Variants in GID4 observed in about 807,000 individuals in gnomAD.
GID4 encodes GID complex subunit 4 homolog.
In GID4, 7 loss-of-function variants were observed where a neutral mutation model predicts 32.4. The ratio of observed to expected loss-of-function variants is 0.22; its 90% confidence interval spans 0.12 to 0.41. GID4 has a LOEUF of 0.41. Among genes scored for constraint, GID4 ranks in the 10% least tolerant of loss-of-function variants. The probability of loss-of-function intolerance (pLI) is 1.00; values close to 1 mark genes in which losing one functional copy is unlikely to be tolerated. For synonymous variants in GID4, 166 were observed against 170.0 expected (o/e 0.98, Z 0.18); for missense variants, 309 against 400.0 (o/e 0.77, Z 1.94).
rs373806807 is a variant in GID4, at chr17:18,065,134, G to A, written c.840-46G>A. 189 of 1,412,946 alleles carry A rather than the reference G, an allele frequency of 1.3e-4. 1 individual carries two copies. The highest frequency in any genetic ancestry group is 1.4e-4 in the Non-Finnish European group (135 of 996,622). 87.5% of individuals were successfully genotyped at this position (1,412,946 alleles called of 1,614,324 possible). ...GGGTTACTAATGTCCTTTGCTCAGG[G>A]TGCATTAGATGACTACCTCCCGTTT... On this transcript the variant is annotated intron_variant, in intron 5 of 5. Coordinates refer to ENST00000268719, the MANE Select transcript of GID4 (RefSeq NM_024052.5).
At chr17:18,043,982 G>A (rs1349935444) in intron 1 of GID4, among the ~76,000 whole-genome samples, 2 of 152,158 alleles carry the variant, frequency 1.3e-5, no homozygotes, top group Non-Finnish European at 2.9e-5. Context: ...TTGAGGTGAC[G>A]TGGCTTCAGG....
intron 3 of GID4, among the ~76,000 whole-genome samples, chr17:18,058,176 C>T (rs766671381): frequency 3.3e-5 from 5 of 152,156 alleles, no homozygotes; most frequent in Non-Finnish European, 7.3e-5. Context: ...CTGAACGATA[C>T]AGTATAACCA....
At chr17:18,043,084 C>T (rs1365817119) in intron 1 of GID4, among the ~76,000 whole-genome samples, 1 of 152,124 alleles carries the variant, frequency 6.6e-6, no homozygotes, top group Non-Finnish European at 1.5e-5. Context: ...GAGCCCTGGT[C>T]GCTGTGAAAG....
chr17:18,061,517 TAGAG>T lies in GID4; in HGVS notation c.709-325_709-322del, dbSNP rs2045017591. Among the ~76,000 whole-genome samples, 4 of 152,260 alleles carry T rather than the reference TAGAG, an allele frequency of 2.6e-5. No homozygotes were observed. The highest frequency in any genetic ancestry group is 3.9e-4 in the East Asian group (2 of 5,176). ...TTGATTGTCTGTGGTCTCTGAAAGA[TAGAG>T]AGGCAGGCAGACAGGCAGGTGAGTA... On this transcript the variant is annotated intron_variant, in intron 4 of 5. Transcript: ENST00000268719. The surrounding 1 kb of genome is among the most constrained non-coding windows in gnomAD (Gnocchi z 4.4).
intron 5 of GID4, among the ~76,000 whole-genome samples, chr17:18,064,704 G>A (rs569492967): frequency 1.5e-4 from 23 of 152,252 alleles, no homozygotes; most frequent in African/African-American, 5.3e-4. Flanking sequence ...TAAATGAAAG[G>A]TAAAATACAG....
intron 5 of GID4, among the ~76,000 whole-genome samples, chr17:18,062,386 T>C (rs2045024472): frequency 6.6e-6 from 1 of 152,212 alleles, no homozygotes; most frequent in Non-Finnish European, 1.5e-5. Flanking sequence ...TTAGAGTTGG[T>C]CCGACATGCA....
chr17:18,064,752 T>C (rs1220499520), intron 5 of GID4, among the ~76,000 whole-genome samples: 1 of 152,212 alleles, frequency 6.6e-6, no homozygotes, highest in Non-Finnish European at 1.5e-5. Flanking sequence ...CTACGCTCTC[T>C]TTAGATACCA....
At chr17:18,044,147 A>G (rs901584398) in intron 1 of GID4, among the ~76,000 whole-genome samples, 1 of 152,186 alleles carries the variant, frequency 6.6e-6, no homozygotes, top group African/African-American at 2.4e-5. Flanking sequence ...GGGACAAAAA[A>G]GCCATTTCTT....
chr17:18,051,831 T>A (rs2044912665), intron 2 of GID4, among the ~76,000 whole-genome samples: 1 of 152,096 alleles, frequency 6.6e-6, no homozygotes. Context: ...TCCCAGCACT[T>A]TGGGAGGCCG....
Position 18,054,021 on chromosome 17 carries a change from T to C in GID4, c.499-106T>C, listed in dbSNP as rs2044940236. ...TCTGGTTTGGATTGTCAGGTAGCAG[T>C]GTCTAGGTACTGGAAAGAAGTTAAA... On this transcript the variant is annotated intron_variant, in intron 2 of 5. Coordinates refer to ENST00000268719, the MANE Select transcript of GID4 (RefSeq NM_024052.5). 20 of 571,222 alleles carry C rather than the reference T, an allele frequency of 3.5e-5. No individual in the cohort carries two copies. In the South Asian group the frequency reaches 5.2e-4, roughly 15 times the overall value. The allele number at this position is 571,222 out of a possible 1,614,324, so 35.4% of individuals were successfully genotyped here.
chr17:18,054,628 G>A (rs1238873926), intron 3 of GID4, among the ~76,000 whole-genome samples: 1 of 152,168 alleles, frequency 6.6e-6, no homozygotes, highest in Admixed American at 6.5e-5. Context: ...GGGCTGGCAT[G>A]AGATGGAGAT....
chr17:18,062,515 C>T (rs1189884190), intron 5 of GID4, among the ~76,000 whole-genome samples: 8 of 152,200 alleles, frequency 5.3e-5, no homozygotes, highest in Non-Finnish European at 1.0e-4. Flanking sequence ...TTGAGGGATT[C>T]TCCTGCCTCC....
In GID4 at chr17:18,068,330, G is replaced by A. The variant is rs1338617397; in HGVS notation, c.*3087G>A. 3.3e-5 allele frequency: 5 copies of A among 152,314 alleles called. No individual in the cohort carries two copies. Among genetic ancestry groups the A allele is most frequent in the African/African-American group, 1.2e-4 (5 of 41,316 alleles). The allele number at this position is 152,314 out of a possible 1,614,324, so 9.4% of individuals were successfully genotyped here. On this transcript the variant is annotated 3_prime_UTR_variant, in exon 6 of 6. Coordinates refer to ENST00000268719, the MANE Select transcript of GID4 (RefSeq NM_024052.5). ...CATGTGGAAGGAGTTTGAGGGTTTG[G>A]GATGGGAGAAGTATTTTGCAGAGCT... is the stretch of plus-strand genomic sequence containing the variant.
rs754463628 is a variant in GID4 at position 18,054,109 on chromosome 17, T to C, written c.499-18T>C. 6.7e-6 allele frequency: 9 copies of C among 1,336,230 alleles called. No individual in the cohort carries two copies. In the South Asian group the frequency reaches 7.4e-5, roughly 11 times the overall value. 82.8% of individuals were successfully genotyped at this position (1,336,230 alleles called of 1,614,324 possible). ...TCTCACTCAACATCTTATTTTGATA[T>C]TTGGGTTTTTACCATAGGAGTATCC... is the stretch of plus-strand genomic sequence containing the variant. On this transcript the variant is annotated intron_variant, in intron 2 of 5. Coordinates refer to ENST00000268719, the MANE Select transcript of GID4 (RefSeq NM_024052.5).
rs2045072875 is a variant in GID4, at chr17:18,067,258, G to T, written c.*2015G>T. ...TCTGCATTTTTCCAGGCCTGTGAGG[G>T]ATATAGGCCTCCCCTTGGAGCACTG... On this transcript the variant is annotated 3_prime_UTR_variant, in exon 6 of 6. Coordinates refer to ENST00000268719, the MANE Select transcript of GID4 (RefSeq NM_024052.5). The T allele has an allele frequency of 6.6e-6, 1 of 152,274 alleles. No homozygotes were observed. The highest frequency in any genetic ancestry group is 6.5e-5 in the Admixed American group (1 of 15,276). 9.4% of individuals were successfully genotyped at this position (152,274 alleles called of 1,614,324 possible).
rs150977174 is a variant in GID4 at position 18,066,504 on chromosome 17, A to T, written c.*1261A>T. ...TGTGTGTATGATGTTTTGTTTTTTT[A>T]AATGTTTTAAAAGCTTAATAGGTTG... On this transcript the variant is annotated 3_prime_UTR_variant, in exon 6 of 6. Coordinates refer to ENST00000268719, the MANE Select transcript of GID4 (RefSeq NM_024052.5). 1 of 151,430 alleles carries T rather than the reference A, an allele frequency of 6.6e-6. No individual in the cohort carries two copies. Among genetic ancestry groups the T allele is most frequent in the Non-Finnish European group, 1.5e-5 (1 of 67,862 alleles). 9.4% of individuals were successfully genotyped at this position (151,430 alleles called of 1,614,324 possible). A position where few individuals can be genotyped will look rare whatever the true frequency, so the allele number is the denominator to read the frequency against.
intron 3 of GID4, among the ~76,000 whole-genome samples, chr17:18,055,982 G>A (rs1054417475): frequency 2.0e-5 from 3 of 152,130 alleles, no homozygotes; most frequent in Non-Finnish European, 4.4e-5. Flanking sequence ...AGCCTCTCAA[G>A]TAGCTGGGAT....
Position 18,066,238 on chromosome 17 carries a change from TA to T in GID4, c.*998del, listed in dbSNP as rs754266478. The T allele has an allele frequency of 4.6e-5, 7 of 152,630 alleles. No homozygotes were observed. The highest frequency in any genetic ancestry group is 8.8e-5 in the Non-Finnish European group (6 of 68,040). The allele number at this position is 152,630 out of a possible 1,614,324, so 9.5% of individuals were successfully genotyped here. A position where few individuals can be genotyped will look rare whatever the true frequency, so the allele number is the denominator to read the frequency against. On this transcript the variant is annotated 3_prime_UTR_variant, in exon 6 of 6. Transcript: ENST00000268719. Reference sequence around the variant, plus strand: ...GGTACAAAAGTTTTGCAGCATTGCCTAAATTATAGTGCTCAACACAAGAACT... The same window carrying T: ...GGTACAAAAGTTTTGCAGCATTGCCTAATTATAGTGCTCAACACAAGAACT...
chr17:18,062,406 A>C (rs1175393942), intron 5 of GID4, among the ~76,000 whole-genome samples: 1 of 152,318 alleles, frequency 6.6e-6, no homozygotes, highest in Non-Finnish European at 1.5e-5. Flanking sequence ...ACTTGATTTA[A>C]GGCTCATGAC....
Sources: allele counts gnomAD v4.1 joint callset (sites outside exome capture counted in the v4.1 genomes callset), GRCh38; gene constraint gnomAD v4.1.1; non-coding constraint Gnocchi (gnomAD v3.1); transcripts MANE v1.5; gene names NCBI Gene and HGNC (gene_info 2026-07-23, HGNC 2026-07-21).